The following MRAP2 variants were observed in gnomAD, a reference collection of about 807,000 sequenced individuals.
MRAP2 encodes the protein melanocortin 2 receptor accessory protein 2, also known as melanocortin-2 receptor accessory protein 2.
Under a neutral mutation model 17.4 loss-of-function variants are expected in MRAP2, and 20 were observed. The ratio of observed to expected loss-of-function variants is 1.15; its 90% CI spans 0.81 to 1.67. The LOEUF is 1.67. Among genes scored for constraint, MRAP2 ranks in the 40% most tolerant of loss-of-function variants. MRAP2 has a pLI of 0.00. For synonymous variants in MRAP2, 96 were observed against 88.4 expected, an observed-to-expected ratio of 1.09 and a Z score of -0.48; for missense variants, 238 against 240.0, an observed-to-expected ratio of 0.99 and a Z score of 0.05.
the MRAP2 span, among the ~76,000 whole-genome samples, chr6:84,145,371 T>A: frequency 4.6e-3 from 705 of 152,286 alleles, 8 homozygotes; most frequent in African/African-American, 0.016. Context: ...AAAGAGCCTA[T>A]ATGATTAATC....
At chr6:84,119,138 T>C in the MRAP2 span, among the ~76,000 whole-genome samples, 2 of 152,256 alleles carry the variant, frequency 1.3e-5, no homozygotes, top group Non-Finnish European at 2.9e-5. Flanking sequence ...TTGCTCTTTT[T>C]GCTTATGATT....
chr6:84,084,904 TTTTATTTTATTTATTTATTTTATTTTAC>T lies in MRAP2; in HGVS notation c.228-4174_228-4147del, dbSNP rs1402373172. ...TTTTATTTTATTTTATTTTATTTTA[TTTTATTTTATTTATTTATTTTATTTTAC>T]TTTATTTTATTTTATTTTATTTTAT... On this transcript the variant is annotated intron_variant, in intron 3 of 3. Transcript: ENST00000257776. Among the ~76,000 whole-genome samples, 379 of 109,686 alleles carry T rather than the reference TTTTATTTTATTTATTTATTTTATTTTAC, an allele frequency of 3.5e-3. 3 individuals carry two copies. The highest frequency in any genetic ancestry group is 0.013 in the African/African-American group (322 of 24,604). 72.0% of individuals were successfully genotyped at this position (109,686 alleles called of 152,430 possible).
chr6:84,135,341 C>T, the MRAP2 span, among the ~76,000 whole-genome samples: 1 of 152,162 alleles, frequency 6.6e-6, no homozygotes, highest in Non-Finnish European at 1.5e-5. Context: ...GATGATGTCA[C>T]TTAAAGGTGA....
the MRAP2 span, among the ~76,000 whole-genome samples, chr6:84,136,494 A>C: frequency 6.6e-6 from 1 of 152,198 alleles, no homozygotes; most frequent in Non-Finnish European, 1.5e-5. Context: ...AAATTTAAAC[A>C]TAAGTTTTGG....
chr6:84,063,007 T>C lies in MRAP2; in HGVS notation c.227+15T>C, dbSNP rs774614355. The C allele has an allele frequency of 6.2e-7, 1 of 1,614,088 alleles. No homozygotes were observed. The highest frequency in any genetic ancestry group is 1.1e-5 in the South Asian group (1 of 91,084). ...CCACACCAAGAGTAAGTTTGGGCTG[T>C]TCCTAAATGTCTCTTAAGCCTCACA... On this transcript the variant is annotated intron_variant, in intron 3 of 3. Transcript: ENST00000257776.
At chr6:84,048,854 A>T (rs1358868976) in intron 1 of MRAP2, among the ~76,000 whole-genome samples, 1 of 152,174 alleles carries the variant, frequency 6.6e-6, no homozygotes, top group Non-Finnish European at 1.5e-5. Context: ...GCTCATTATA[A>T]ATCATTCTGC....
intron 1 of MRAP2, among the ~76,000 whole-genome samples, chr6:84,047,850 C>T (rs1278812835): frequency 6.6e-6 from 1 of 152,178 alleles, no homozygotes. Flanking sequence ...TTCTAGGTAC[C>T]CTCATATATG....
chr6:84,054,704 G>T (rs2099491266), intron 1 of MRAP2, among the ~76,000 whole-genome samples: 2 of 152,122 alleles, frequency 1.3e-5, no homozygotes, highest in Admixed American at 1.3e-4. Context: ...TACTTCTCCT[G>T]AACATTCTTT....
At chr6:84,115,877 C>A in the MRAP2 span, among the ~76,000 whole-genome samples, 1 of 152,108 alleles carries the variant, frequency 6.6e-6, no homozygotes, top group African/African-American at 2.4e-5. Context: ...TGAGGCCCCA[C>A]CCTGCTTCAG....
At chr6:84,059,762 G>A (rs1448653107) in intron 2 of MRAP2, among the ~76,000 whole-genome samples, 3 of 152,156 alleles carry the variant, frequency 2.0e-5, no homozygotes, top group East Asian at 1.9e-4. Context: ...GCTTGGCGGT[G>A]GTGGAAACTC....
rs530204095 is a variant in MRAP2 at position 84,063,067 on chromosome 6, C to T, written c.227+75C>T. ...GGAAATAGAAACTACTACCCAGGGC[C>T]GGAGGTGCTTCCCGTGGATGAAGAG... On this transcript the variant is annotated intron_variant, in intron 3 of 3. Transcript: ENST00000257776. 4.0e-4 allele frequency: 644 copies of T among 1,597,356 alleles called. 1 individual carries two copies. The African/African-American group carries it at 7.0e-3, about 17-fold the overall frequency.
chr6:84,091,050 TA>T (rs1292684358), downstream of MRAP2, among the ~76,000 whole-genome samples: 4 of 152,172 alleles, frequency 2.6e-5, no homozygotes, highest in Non-Finnish European at 5.9e-5. Flanking sequence ...ATTATTTCGC[TA>T]AAAGAAATCC....
chr6:84,120,669 T>C, the MRAP2 span, among the ~76,000 whole-genome samples: 1 of 152,204 alleles, frequency 6.6e-6, no homozygotes, highest in Admixed American at 6.5e-5. Context: ...AGTAATTATA[T>C]GATGTTTGCA....
In MRAP2 at chr6:84,073,356, C is replaced by T. The variant is rs983809151; in HGVS notation, c.227+10364C>T. Reference sequence around the variant, plus strand: ...TCTCCCACAAAGAGACTTTCAGTTTCTCTAGTGGGGATGTGTGTTCAGGAG... The same window carrying T: ...TCTCCCACAAAGAGACTTTCAGTTTTTCTAGTGGGGATGTGTGTTCAGGAG... On this transcript the variant is annotated intron_variant, in intron 3 of 3. Coordinates refer to ENST00000257776, the MANE Select transcript of MRAP2 (RefSeq NM_138409.4). 7.7e-4 allele frequency among the ~76,000 whole-genome samples: 117 copies of T among 152,338 alleles called. 1 individual carries two copies. Among genetic ancestry groups the T allele is most frequent in the African/African-American group, 2.7e-3 (113 of 41,586 alleles).
the MRAP2 span, among the ~76,000 whole-genome samples, chr6:84,110,837 A>T: frequency 7.2e-5 from 11 of 152,034 alleles, no homozygotes; most frequent in East Asian, 2.1e-3. Flanking sequence ...TGTTTTCCCA[A>T]CACCATTTAT....
At chr6:84,057,631 A>C (rs975818393) in intron 2 of MRAP2, among the ~76,000 whole-genome samples, 6 of 152,288 alleles carry the variant, frequency 3.9e-5, no homozygotes, top group Admixed American at 3.3e-4. Flanking sequence ...TCATTCATTC[A>C]ATATATATTT....
At chr6:84,068,205 G>A (rs975899466) in intron 3 of MRAP2, among the ~76,000 whole-genome samples, 1 of 151,984 alleles carries the variant, frequency 6.6e-6, no homozygotes, top group African/African-American at 2.4e-5. Flanking sequence ...ACTGTAAGTG[G>A]GTTTATTTCT....
intron 1 of MRAP2, among the ~76,000 whole-genome samples, chr6:84,041,983 T>C (rs1216941184): frequency 6.6e-6 from 1 of 152,148 alleles, no homozygotes; most frequent in Non-Finnish European, 1.5e-5. Context: ...TGTAATGATA[T>C]GGTTAGGTTT....
At chr6:84,126,523 C>T in the MRAP2 span, 1 of 1,488,352 alleles carries the variant, frequency 6.7e-7, no homozygotes, top group East Asian at 2.5e-5. Flanking sequence ...CTAAAATTGA[C>T]ATATGAAGCA....
Sources: allele counts gnomAD v4.1 joint callset (sites outside exome capture counted in the v4.1 genomes callset), GRCh38; gene constraint gnomAD v4.1.1; transcripts MANE v1.5; gene names NCBI Gene and HGNC (gene_info 2026-07-23, HGNC 2026-07-21).